Variants in SOX5 observed in about 807,000 individuals in gnomAD.
SOX5 encodes the protein transcription factor SOX-5.
In SOX5, 9 loss-of-function variants were observed where a neutral mutation model predicts 92.0. The ratio of observed to expected loss-of-function variants is 0.10; its 90% CI spans 0.06 to 0.17. The LOEUF (loss-of-function observed/expected upper bound fraction) is 0.17. Ranked by LOEUF, SOX5 falls within the 10% of genes least tolerant of loss-of-function variation. SOX5 has a pLI of 1.00. For missense variants in SOX5, 642 were observed against 944.5 expected, an observed-to-expected ratio of 0.68 and a Z score of 4.20; for synonymous variants, 344 against 336.3, an observed-to-expected ratio of 1.02 and a Z score of -0.25.
At chr12:23,663,108 C>T (rs2083289475) in intron 7 of SOX5, among the ~76,000 whole-genome samples, 1 of 152,144 alleles carries the variant, frequency 6.6e-6, no homozygotes, top group Admixed American at 6.6e-5. Flanking sequence ...TTTTCACTTC[C>T]ACCCAGTTCT....
chr12:24,152,442 C>G (rs1281054938), intron 4 of SOX5, among the ~76,000 whole-genome samples: 2 of 152,122 alleles, frequency 1.3e-5, no homozygotes, highest in Non-Finnish European at 2.9e-5. Context: ...AGTCATACAT[C>G]TTAGCCAGCC....
chr12:23,922,153 C>G (rs1938487271), intron 1 of SOX5, among the ~76,000 whole-genome samples: 1 of 152,162 alleles, frequency 6.6e-6, no homozygotes, highest in African/African-American at 2.4e-5. Context: ...CCAAAGCAAT[C>G]TTTGTTTTCA....
intron 2 of SOX5, among the ~76,000 whole-genome samples, chr12:23,861,250 T>C (rs2096754677): frequency 6.6e-6 from 1 of 152,040 alleles, no homozygotes; most frequent in South Asian, 2.1e-4. Flanking sequence ...GCCACATAAA[T>C]GTTAGAATAA....
intron 4 of SOX5, among the ~76,000 whole-genome samples, chr12:23,977,538 C>T (rs1256419230): frequency 6.6e-6 from 1 of 152,098 alleles, no homozygotes; most frequent in East Asian, 1.9e-4. Context: ...TGGTGCATGC[C>T]TGTTATCCCA....
In SOX5 at chr12:23,624,985, G is replaced by A. The variant is rs182538602; in HGVS notation, c.1017+15827C>T. Among the ~76,000 whole-genome samples, 100 of 152,274 alleles carry A rather than the reference G, an allele frequency of 6.6e-4. No homozygotes were observed. The Middle Eastern group carries it at 0.024, about 36-fold the overall frequency. On this transcript the variant is annotated intron_variant, in intron 8 of 14. Transcript: ENST00000451604. The stretch of plus-strand genomic sequence containing the variant: ...GTTTTCTAAAACACTAGCTAACTTA[G>A]ATTGATCCCTATATATGTATAATAT...
intron 3 of SOX5, among the ~76,000 whole-genome samples, chr12:23,794,011 CA>C (rs1399113585): frequency 6.6e-6 from 1 of 152,098 alleles, no homozygotes; most frequent in Non-Finnish European, 1.5e-5. Flanking sequence ...GATAAACCTA[CA>C]AAGATGTATA....
chr12:24,341,710 G>T (rs1952593979), intron 2 of SOX5, among the ~76,000 whole-genome samples: 1 of 152,128 alleles, frequency 6.6e-6, no homozygotes, highest in Non-Finnish European at 1.5e-5. Flanking sequence ...AAACTGGCAG[G>T]ATACAGTAAA....
At chr12:24,238,221 T>C (rs1042845673) in intron 3 of SOX5, among the ~76,000 whole-genome samples, 13 of 151,892 alleles carry the variant, frequency 8.6e-5, no homozygotes, top group Non-Finnish European at 1.5e-4. Flanking sequence ...AAGAGTAAAA[T>C]AGAACATCTT....
At chr12:23,910,913 T>C (rs2097344803) in intron 1 of SOX5, among the ~76,000 whole-genome samples, 1 of 152,168 alleles carries the variant, frequency 6.6e-6, no homozygotes, top group African/African-American at 2.4e-5. Context: ...GATCCACCTC[T>C]TCACAACATT....
chr12:24,162,987 G>A (rs1952941644), intron 4 of SOX5, among the ~76,000 whole-genome samples: 1 of 152,000 alleles, frequency 6.6e-6, no homozygotes, highest in Non-Finnish European at 1.5e-5. Flanking sequence ...AATGAGCTCT[G>A]CAAATATTAA....
At chr12:24,163,606 C>G (rs1953032841) in intron 4 of SOX5, among the ~76,000 whole-genome samples, 1 of 147,914 alleles carries the variant, frequency 6.8e-6, no homozygotes, top group African/African-American at 2.5e-5. Context: ...TCCTAGAATA[C>G]GAGGATTCTA....
At chr12:24,068,747 T>TATATATAC (rs1405470591) in intron 4 of SOX5, among the ~76,000 whole-genome samples, 26 of 71,558 alleles carry the variant, frequency 3.6e-4, no homozygotes, top group East Asian at 4.0e-4. Flanking sequence ...TATATATATA[T>TATATATAC]ACACACACAC....
upstream of SOX5, among the ~76,000 whole-genome samples, chr12:23,953,725 T>C (rs1264436408): frequency 6.6e-6 from 1 of 151,982 alleles, no homozygotes; most frequent in Non-Finnish European, 1.5e-5. Context: ...AACTGAATAA[T>C]ACATAAAATG....
chr12:24,529,676 T>A (rs1330885556), intron 1 of SOX5, among the ~76,000 whole-genome samples: 3 of 152,216 alleles, frequency 2.0e-5, no homozygotes, highest in Non-Finnish European at 4.4e-5. Flanking sequence ...GCAGACCTTG[T>A]AATTTTTTTC....
chr12:24,115,450 A>C (rs972467688), intron 4 of SOX5, among the ~76,000 whole-genome samples: 2 of 152,328 alleles, frequency 1.3e-5, no homozygotes, highest in African/African-American at 2.4e-5. Context: ...AGTTACATGA[A>C]GATGTACCCC....
At chr12:23,920,230 G>T (rs920365408) in intron 1 of SOX5, 1 of 152,096 alleles carries the variant, frequency 6.6e-6, no homozygotes, top group Admixed American at 6.5e-5. Flanking sequence ...TACAAAAAGC[G>T]ATAGAAAAGA....
At chr12:24,433,536 T>C (rs972110490) in intron 1 of SOX5, among the ~76,000 whole-genome samples, 1 of 152,188 alleles carries the variant, frequency 6.6e-6, no homozygotes, top group African/African-American at 2.4e-5. Flanking sequence ...TAATATTGAA[T>C]GCTTTGATGT....
intron 1 of SOX5, among the ~76,000 whole-genome samples, chr12:24,523,599 A>G (rs1271221124): frequency 6.6e-6 from 1 of 152,228 alleles, no homozygotes; most frequent in East Asian, 1.9e-4. Flanking sequence ...ATATACAGTG[A>G]TCTGATCTGC....
At chr12:24,166,840 G>A (rs141254150) in intron 4 of SOX5, among the ~76,000 whole-genome samples, 1 of 152,122 alleles carries the variant, frequency 6.6e-6, no homozygotes, top group African/African-American at 2.4e-5. Flanking sequence ...ACCAAAAACA[G>A]TGTTGTCTTT....
Sources: gnomAD v4.1 joint callset for allele counts (sites outside exome capture counted in the v4.1 genomes callset) on GRCh38, gnomAD v4.1.1 for gene constraint, MANE v1.5 for transcripts, NCBI Gene and HGNC (gene_info 2026-07-23, HGNC 2026-07-21) for gene names.